The following TIMD4 variants were observed in gnomAD, a reference collection of about 807,000 sequenced individuals.
TIMD4 encodes the protein T-cell immunoglobulin and mucin domain-containing protein 4.
Under a neutral mutation model 41.2 loss-of-function variants are expected in TIMD4, and 31 were observed. The ratio of observed to expected loss-of-function variants is 0.75; its 90% CI spans 0.57 to 1.01. The LOEUF is 1.01. Ranked by LOEUF, TIMD4 falls within the 50% of genes least tolerant of loss-of-function variation. TIMD4 has a pLI of 0.00. For synonymous variants in TIMD4, 204 were observed against 177.1 expected (o/e 1.15, Z -1.21); for missense variants, 479 against 472.5 (o/e 1.01, Z -0.13).
At chr5:156,944,976 C>G (rs566834428) in intron 5 of TIMD4, among the ~76,000 whole-genome samples, 2 of 152,266 alleles carry the variant, frequency 1.3e-5, no homozygotes, top group East Asian at 3.9e-4. Flanking sequence ...ACAAGACCCT[C>G]TTTAAGGATT....
Position 156,963,207 on chromosome 5 carries a change from T to C in TIMD4, c.-9A>G, listed in dbSNP as rs373548123. 1.2e-4 allele frequency: 190 copies of C among 1,614,166 alleles called. No homozygotes were observed. The highest frequency in any genetic ancestry group is 1.6e-4 in the Non-Finnish European group (187 of 1,179,982). On this transcript the variant is annotated 5_prime_UTR_variant, in exon 1 of 9. Transcript: ENST00000274532. ...AGAGGTTCTTTGGACATTTTGACGG[T>C]TGACCGGACCCAGGAGTCTGTCTAT...
chr5:156,960,772 C>T (rs1345612647), intron 1 of TIMD4, among the ~76,000 whole-genome samples: 1 of 152,196 alleles, frequency 6.6e-6, no homozygotes, highest in Non-Finnish European at 1.5e-5. Flanking sequence ...ATATAACAAG[C>T]CACAAAGCAG....
chr5:156,960,820 G>A (rs1216320932), intron 1 of TIMD4, among the ~76,000 whole-genome samples: 1 of 152,224 alleles, frequency 6.6e-6, no homozygotes, highest in Non-Finnish European at 1.5e-5. Flanking sequence ...GAGTACCTAG[G>A]AAGATAGTCA....
chr5:156,954,417 C>T lies in TIMD4; in HGVS notation c.398G>A (p.Arg133Lys), dbSNP rs148723473. 5 of 1,612,280 alleles carry T rather than the reference C, an allele frequency of 3.1e-6. No homozygotes were observed. The highest frequency in any genetic ancestry group is 4.2e-6 in the Non-Finnish European group (5 of 1,179,064). The part of the protein sequence containing the change: ...VKINVRLNLQ[R>K]ASTTTHRTAT... ...CATGAGGCCCTTCGTGTGCTTACCT[C>T]TCTGTAGATTCAGGCGCACGTTTAT... is the stretch of plus-strand genomic sequence containing the variant. The change falls in exon 2 of 9, where the codon AGA becomes AAA. Residue 133 changes from arginine (R) to lysine (K), a missense_variant and splice_region_variant. Arg to Lys is a conservative substitution (Grantham distance 26). Transcript: ENST00000274532.
rs141054312 is a variant in TIMD4, at chr5:156,921,706, G to C, written c.1012+393C>G. Among the ~76,000 whole-genome samples, 3 of 146,556 alleles carry C rather than the reference G, an allele frequency of 2.0e-5. No homozygotes were observed. The East Asian group carries it at 6.1e-4, about 30-fold the overall frequency. ...CCTGCAACAATCCTAGCCAAAAGAA[G>C]AGACAAGCTAGGGTTTTCCCAACCA... On this transcript the variant is annotated intron_variant, in intron 7 of 8. Transcript: ENST00000274532.
intron 2 of TIMD4, among the ~76,000 whole-genome samples, chr5:156,952,431 C>T (rs910165221): frequency 2.6e-5 from 4 of 152,126 alleles, no homozygotes; most frequent in Admixed American, 2.6e-4. Context: ...CCCATCTTGC[C>T]TTTCTTTCCA....
At chr5:156,953,668 AAAAAAAAG>A (rs1390381816) in intron 2 of TIMD4, among the ~76,000 whole-genome samples, 3 of 149,494 alleles carry the variant, frequency 2.0e-5, no homozygotes, top group African/African-American at 7.5e-5. Flanking sequence ...AAAAAAAAAA[AAAAAAAAG>A]AGAGAGAGAG....
In TIMD4 at chr5:156,954,608, G is replaced by A; in HGVS notation, c.207C>T (p.Ile69=). ...AGGTCACCCTCATTCCATCAGTGCG[G>A]ATGAGCGCCTCCTTGCAACCGGAGT... is the stretch of plus-strand genomic sequence containing the variant. ...CPYSGCKEAL[I]RTDGMRVTSR... is the part of the protein sequence containing the mutation. The change falls in exon 2 of 9, where the codon ATC becomes ATT. Residue 69 remains isoleucine (I), a synonymous_variant. Transcript: ENST00000274532. 1 of 1,614,074 alleles carries A rather than the reference G, an allele frequency of 6.2e-7. No homozygotes were observed. Among genetic ancestry groups the A allele is most frequent in the Admixed American group, 1.7e-5 (1 of 60,024 alleles).
intron 6 of TIMD4, 94 bp from the exon 7 acceptor site, chr5:156,922,310 A>G (rs1481855924): frequency 1.0e-6 from 1 of 976,594 alleles, no homozygotes; most frequent in East Asian, 2.4e-5. Context: ...TACAACCACC[A>G]GCAGTTTCAC....
intron 1 of TIMD4, among the ~76,000 whole-genome samples, chr5:156,955,024 C>T (rs189983448): frequency 1.7e-3 from 266 of 152,096 alleles, no homozygotes; most frequent in Admixed American, 0.013. Flanking sequence ...ACCACAGGTG[C>T]GTGGCAGCAT....
At chr5:156,920,336 T>G (rs1759211629) in intron 8 of TIMD4, 128 bp downstream of exon 8, 3 of 1,052,876 alleles carry the variant, frequency 2.8e-6, no homozygotes, top group Non-Finnish European at 2.9e-6. Context: ...TCACTTCTAA[T>G]GTCACATCTT....
intron 5 of TIMD4, among the ~76,000 whole-genome samples, chr5:156,938,975 G>A (rs190773241): frequency 6.6e-6 from 1 of 152,296 alleles, no homozygotes; most frequent in African/African-American, 2.4e-5. Flanking sequence ...TCCTTAGCTG[G>A]CTTAGGAGTA....
chr5:156,958,304 AGAAGG>A (rs1760014213), intron 1 of TIMD4, among the ~76,000 whole-genome samples: 1 of 132,132 alleles, frequency 7.6e-6, no homozygotes, highest in Non-Finnish European at 1.6e-5. Flanking sequence ...AAAGAAAGAA[AGAAGG>A]AAAGGAAAGG....
Position 156,922,596 on chromosome 5 carries a change from A to T in TIMD4, c.895-380T>A, listed in dbSNP as rs576647116. On this transcript the variant is annotated intron_variant, in intron 6 of 8. Coordinates refer to ENST00000274532, the MANE Select transcript of TIMD4 (RefSeq NM_138379.3). Reference sequence around the variant, plus strand: ...AGGATGAAAGAGAAAATGAAACTTAATTTCACATTTTCTACAGCAGTGGTT... The same window carrying T: ...AGGATGAAAGAGAAAATGAAACTTATTTTCACATTTTCTACAGCAGTGGTT... Among the ~76,000 whole-genome samples the T allele has an allele frequency of 6.3e-4, 96 of 152,330 alleles. 1 individual carries two copies. The highest frequency in any genetic ancestry group is 2.2e-3 in the African/African-American group (93 of 41,570).
intron 1 of TIMD4, among the ~76,000 whole-genome samples, chr5:156,962,325 G>C (rs1030485543): frequency 6.6e-6 from 1 of 151,760 alleles, no homozygotes; most frequent in Middle Eastern, 3.2e-3. Flanking sequence ...CAACTACCCT[G>C]ATTCGATCAT....
intron 6 of TIMD4, chr5:156,924,258 G>T: frequency 2.6e-6 from 1 of 381,734 alleles, no homozygotes; most frequent in South Asian, 2.2e-5. Context: ...AAGTTCTCGA[G>T]GGCTAATCTA....
At chr5:156,926,558 G>T (rs546759722) in intron 5 of TIMD4, among the ~76,000 whole-genome samples, 2 of 152,302 alleles carry the variant, frequency 1.3e-5, no homozygotes, top group African/African-American at 4.8e-5. Context: ...GTCAGGCATT[G>T]GGCCAGTAGG....
intron 1 of TIMD4, among the ~76,000 whole-genome samples, chr5:156,961,767 C>T (rs1434780061): frequency 1.6e-5 from 2 of 124,564 alleles, no homozygotes; most frequent in Non-Finnish European, 3.2e-5. Flanking sequence ...AGAGATAGTG[C>T]CACTGCAGTC....
intron 5 of TIMD4, among the ~76,000 whole-genome samples, chr5:156,929,640 G>C (rs932528703): frequency 1.3e-5 from 2 of 152,194 alleles, no homozygotes; most frequent in Non-Finnish European, 2.9e-5. Flanking sequence ...AGGCAAGGAA[G>C]GGTTCTCCTT....
Sources: gnomAD v4.1 joint callset for allele counts (sites outside exome capture counted in the v4.1 genomes callset) on GRCh38, gnomAD v4.1.1 for gene constraint, MANE v1.5 for transcripts, NCBI Gene and HGNC (gene_info 2026-07-23, HGNC 2026-07-21) for gene names.